TOMM7: variants seen among roughly 807,000 people sequenced by gnomAD.
TOMM7 encodes mitochondrial import receptor subunit TOM7 homolog.
A neutral mutation model predicts 9.5 loss-of-function variants in TOMM7; 8 were observed. That is an observed-to-expected ratio of 0.84 (90% CI 0.49 to 1.51). The LOEUF is 1.51. Among genes scored for constraint, TOMM7 ranks in the 40% most tolerant of loss-of-function variants. The pLI, the probability that TOMM7 is intolerant of heterozygous loss-of-function variation, is 0.00. For synonymous variants in TOMM7, 27 were observed against 21.4 expected, an observed-to-expected ratio of 1.26 and a Z score of -0.72; for missense variants, 74 against 63.7, an observed-to-expected ratio of 1.16 and a Z score of -0.55.
At chr7:22,817,159 C>A (rs1782326834) in intron 2 of TOMM7, among the ~76,000 whole-genome samples, 1 of 152,150 alleles carries the variant, frequency 6.6e-6, no homozygotes. Context: ...CCAGAGCAAA[C>A]CTGCCTGTTT....
Position 22,822,845 on chromosome 7 carries a change from A to C in TOMM7, c.-66T>G, listed in dbSNP as rs1302022562. On this transcript the variant is annotated 5_prime_UTR_variant, in exon 1 of 3. Transcript: ENST00000358435. ...CCACAGCGTCGGGAATCCGAAAGGG[A>C]AAGGAGGTGCGCAGGCGCCACACAC... is the stretch of plus-strand genomic sequence containing the variant. The C allele has an allele frequency of 7.3e-7, 1 of 1,365,080 alleles. No homozygotes were observed. Among genetic ancestry groups the C allele is most frequent in the African/African-American group, 1.4e-5 (1 of 70,040 alleles). The allele number at this position is 1,365,080 out of a possible 1,614,324, so 84.6% of individuals were successfully genotyped here.
intron 1 of TOMM7, among the ~76,000 whole-genome samples, chr7:22,820,404 C>T (rs940703054): frequency 1.3e-5 from 2 of 152,172 alleles, no homozygotes; most frequent in Admixed American, 1.3e-4. Flanking sequence ...CACTCTTACA[C>T]GAAGCCCCTG....
intron 1 of TOMM7, among the ~76,000 whole-genome samples, chr7:22,820,107 C>T (rs896645435): frequency 5.3e-5 from 8 of 152,174 alleles, no homozygotes; most frequent in East Asian, 1.9e-4. Context: ...AGGCCAAGAT[C>T]GAAGATCACT....
intron 2 of TOMM7, among the ~76,000 whole-genome samples, chr7:22,815,101 A>G (rs1307297951): frequency 1.3e-5 from 2 of 152,188 alleles, no homozygotes; most frequent in African/African-American, 4.8e-5. Context: ...GAGGGAAACC[A>G]GAAGATGCTC....
At chr7:22,818,215 C>T in intron 1 of TOMM7, 167 bp from the exon 2 acceptor site, 1 of 592,536 alleles carries the variant, frequency 1.7e-6, no homozygotes, top group South Asian at 2.0e-5. Context: ...AGTCTCCAAT[C>T]TTCATTAGAG....
rs79544555 is a variant in TOMM7 at position 22,817,768 on chromosome 7, G to A, written c.152+232C>T. ...AACAGTTCGTATTTTAAAGTGGTAGGATAATAAATTCTTTTTCTGTTAAAA... is the reference window on the plus strand; with the variant it reads ...AACAGTTCGTATTTTAAAGTGGTAGAATAATAAATTCTTTTTCTGTTAAAA... On this transcript the variant is annotated intron_variant, in intron 2 of 2. Transcript: ENST00000358435. 5 of 447,410 alleles carry A rather than the reference G, an allele frequency of 1.1e-5. No individual in the cohort carries two copies. The East Asian group carries it at 1.9e-4, about 17-fold the overall frequency. The allele number at this position is 447,410 out of a possible 1,614,324, so 27.7% of individuals were successfully genotyped here.
At chr7:22,815,111 C>T (rs927872564) in intron 2 of TOMM7, among the ~76,000 whole-genome samples, 35 of 152,054 alleles carry the variant, frequency 2.3e-4, no homozygotes, top group African/African-American at 8.0e-4. Flanking sequence ...AGAAGATGCT[C>T]TTAATGACAG....
At chr7:22,819,178 T>C (rs1782354442) in intron 1 of TOMM7, among the ~76,000 whole-genome samples, 1 of 152,098 alleles carries the variant, frequency 6.6e-6, no homozygotes, top group Non-Finnish European at 1.5e-5. Flanking sequence ...TTGAAGCAAC[T>C]GACTAAGTTA....
At chr7:22,818,112 A>T (rs780732930) in intron 1 of TOMM7, 64 bp from the exon 2 acceptor site, 44 of 1,500,356 alleles carry the variant, frequency 2.9e-5, no homozygotes, top group Non-Finnish European at 3.6e-5. Flanking sequence ...AAACATTTAC[A>T]ATCAAGACTT....
chr7:22,813,400 T>C (rs965111976), intron 2 of TOMM7, among the ~76,000 whole-genome samples: 2 of 152,040 alleles, frequency 1.3e-5, no homozygotes, highest in African/African-American at 4.8e-5. Flanking sequence ...TTACCTATCA[T>C]AAACAAAAAC....
chr7:22,814,115 G>C (rs916983114), intron 2 of TOMM7, among the ~76,000 whole-genome samples: 1 of 147,344 alleles, frequency 6.8e-6, no homozygotes, highest in African/African-American at 2.5e-5. Context: ...TGGGTGGATC[G>C]CCTGAGCCCA....
chr7:22,818,220 T>G (rs1183802548), intron 1 of TOMM7, 172 bp from the exon 2 acceptor site: 3 of 581,760 alleles, frequency 5.2e-6, no homozygotes, highest in Non-Finnish European at 9.3e-6. Flanking sequence ...CCAATCTTCA[T>G]TAGAGTATGA....
chr7:22,817,040 C>T (rs549019314), intron 2 of TOMM7, among the ~76,000 whole-genome samples: 4 of 152,178 alleles, frequency 2.6e-5, no homozygotes, highest in Admixed American at 1.3e-4. Flanking sequence ...AGTGAACAGT[C>T]TGTGAGGGCA....
intron 2 of TOMM7, among the ~76,000 whole-genome samples, chr7:22,816,829 T>C (rs2128182207): frequency 6.6e-6 from 1 of 152,280 alleles, no homozygotes; most frequent in South Asian, 2.1e-4. Context: ...GCTTTGGAAA[T>C]AGAACATATT....
intron 1 of TOMM7, chr7:22,822,087 C>G (rs1782400831): frequency 6.5e-7 from 1 of 1,530,090 alleles, no homozygotes; most frequent in Non-Finnish European, 8.8e-7. Context: ...GCCTGAGCCC[C>G]TAACTCCCTC....
chr7:22,816,882 T>C (rs1337616842), intron 2 of TOMM7, among the ~76,000 whole-genome samples: 1 of 152,220 alleles, frequency 6.6e-6, no homozygotes, highest in Non-Finnish European at 1.5e-5. Flanking sequence ...AGGACTGAAG[T>C]TGACAACTAG....
chr7:22,817,399 G>A (rs1782330350), intron 2 of TOMM7: 1 of 158,506 alleles, frequency 6.3e-6, no homozygotes, highest in Non-Finnish European at 1.4e-5. Context: ...ACACACAAAT[G>A]TTAATTATTT....
chr7:22,818,495 G>C (rs962755173), intron 1 of TOMM7, among the ~76,000 whole-genome samples: 1 of 152,148 alleles, frequency 6.6e-6, no homozygotes, highest in African/African-American at 2.4e-5. Flanking sequence ...TGGCCAGGCT[G>C]GTCTCAAACT....
intron 2 of TOMM7, among the ~76,000 whole-genome samples, chr7:22,814,349 C>CAA (rs58506942): frequency 1.1e-5 from 1 of 91,020 alleles, no homozygotes; most frequent in Non-Finnish European, 2.1e-5. Flanking sequence ...GACTCCGACT[C>CAA]AAAAAAAAAA....
Sources: gnomAD v4.1 joint callset for allele counts (sites outside exome capture counted in the v4.1 genomes callset) on GRCh38, gnomAD v4.1.1 for gene constraint, MANE v1.5 for transcripts, NCBI Gene and HGNC (gene_info 2026-07-23, HGNC 2026-07-21) for gene names.